The following MYT1L variants were observed in gnomAD, a reference collection of about 807,000 sequenced individuals.
The protein encoded by MYT1L is myelin transcription factor 1-like protein.
Under a neutral mutation model 126.7 loss-of-function variants are expected in MYT1L, and 12 were observed. That is an observed-to-expected ratio of 0.09 (90% confidence interval 0.06 to 0.15). The LOEUF is 0.15. Among genes scored for constraint, MYT1L ranks in the 10% least tolerant of loss-of-function variants. The pLI, the probability that MYT1L is intolerant of heterozygous loss-of-function variation, is 1.00. For synonymous variants in MYT1L, 541 were observed against 604.2 expected, an observed-to-expected ratio of 0.90 and a Z score of 1.53; for missense variants, 979 against 1,585.2, an observed-to-expected ratio of 0.62 and a Z score of 6.49.
intron 21 of MYT1L, among the ~76,000 whole-genome samples, chr2:1,826,261 C>T (rs895972714): frequency 6.6e-5 from 10 of 152,218 alleles, no homozygotes; most frequent in Non-Finnish European, 8.8e-5. Flanking sequence ...GCACGGTGCT[C>T]GGGCATGGGA....
At chr2:1,888,362 T>A (rs1216810794) in intron 16 of MYT1L, among the ~76,000 whole-genome samples, 1 of 152,244 alleles carries the variant, frequency 6.6e-6, no homozygotes, top group African/African-American at 2.4e-5. Flanking sequence ...CTTGCCACTC[T>A]GATTTGGTTC....
intron 3 of MYT1L, among the ~76,000 whole-genome samples, chr2:2,124,864 C>T (rs115272487): frequency 6.7e-4 from 102 of 152,296 alleles, no homozygotes; most frequent in Non-Finnish European, 1.2e-3. Flanking sequence ...TGCCTAGAAG[C>T]CTCCCCGACT....
intron 2 of MYT1L, among the ~76,000 whole-genome samples, chr2:2,261,262 GA>G (rs1186779248): frequency 2.0e-5 from 3 of 152,040 alleles, no homozygotes. Flanking sequence ...AGTCAAACCA[GA>G]AAACTACATT....
At chr2:2,172,103 C>T (rs1199502568) in intron 3 of MYT1L, among the ~76,000 whole-genome samples, 5 of 152,144 alleles carry the variant, frequency 3.3e-5, no homozygotes, top group African/African-American at 1.2e-4. Context: ...TCAGAACCAA[C>T]GACTTTACAG....
intron 2 of MYT1L, among the ~76,000 whole-genome samples, chr2:2,237,041 C>A (rs754863493): frequency 6.6e-6 from 1 of 151,976 alleles, no homozygotes; most frequent in African/African-American, 2.4e-5. Context: ...CTCGAACTCC[C>A]GACCTCAGGT....
At chr2:2,302,210 G>A (rs1446913591) in intron 1 of MYT1L, among the ~76,000 whole-genome samples, 3 of 152,136 alleles carry the variant, frequency 2.0e-5, no homozygotes. Context: ...GTGAAACATG[G>A]CAGAATATTG....
intron 9 of MYT1L, among the ~76,000 whole-genome samples, chr2:1,928,061 C>T (rs1322217056): frequency 6.6e-6 from 1 of 152,146 alleles, no homozygotes; most frequent in Non-Finnish European, 1.5e-5. Flanking sequence ...TCAAGTGACC[C>T]TCCCGCCTCA....
intron 2 of MYT1L, among the ~76,000 whole-genome samples, chr2:2,240,379 G>C (rs1162564426): frequency 6.6e-6 from 1 of 151,728 alleles, no homozygotes; most frequent in African/African-American, 2.4e-5. Flanking sequence ...AAAAAGTATG[G>C]TAACACAGAC....
intron 1 of MYT1L, among the ~76,000 whole-genome samples, chr2:2,310,770 C>T (rs2095954265): frequency 6.6e-6 from 1 of 152,160 alleles, no homozygotes. Context: ...CTTTCCTTCC[C>T]TGTTGGTCTA....
chr2:1,868,100 G>C (rs2045831542), intron 18 of MYT1L, among the ~76,000 whole-genome samples: 1 of 152,050 alleles, frequency 6.6e-6, no homozygotes, highest in Admixed American at 6.6e-5. Context: ...CCAAGTAGCT[G>C]GGACTACAGG....
At chr2:2,070,344 A>T (rs1226491498) in intron 3 of MYT1L, among the ~76,000 whole-genome samples, 2 of 152,172 alleles carry the variant, frequency 1.3e-5, no homozygotes, top group African/African-American at 4.8e-5. Flanking sequence ...GCGTTGCGAC[A>T]CCACCTCTCA....
intron 3 of MYT1L, among the ~76,000 whole-genome samples, chr2:2,064,990 A>C (rs1408923356): frequency 2.6e-5 from 4 of 152,096 alleles, no homozygotes; most frequent in Non-Finnish European, 5.9e-5. Context: ...CTTGAGACCA[A>C]GAGTTGGAGA....
chr2:1,992,147 G>A lies in MYT1L; in HGVS notation c.-1+5044C>T, dbSNP rs373783117. ...TTTGCAAATTTATTTATTAGACATC[G>A]GTTTTTCTGCACAGTTCACTGGCTG... On this transcript the variant is annotated intron_variant, in intron 5 of 24. Transcript: ENST00000647738. Among the ~76,000 whole-genome samples the A allele has an allele frequency of 6.6e-5, 10 of 152,034 alleles. No individual in the cohort carries two copies. In the East Asian group the frequency reaches 1.7e-3, roughly 26 times the overall value.
chr2:1,919,197 G>A (rs1313216120), intron 10 of MYT1L, among the ~76,000 whole-genome samples: 1 of 152,276 alleles, frequency 6.6e-6, no homozygotes, highest in South Asian at 2.1e-4. Flanking sequence ...AAACAATGTG[G>A]CTCCAAAGCA....
intron 3 of MYT1L, among the ~76,000 whole-genome samples, chr2:2,058,180 A>C (rs139607608): frequency 6.6e-6 from 1 of 152,206 alleles, no homozygotes; most frequent in Non-Finnish European, 1.5e-5. Flanking sequence ...CATTTGCCTA[A>C]TAGTTGATGG....
At chr2:2,181,242 CTG>C (rs561250701) in intron 2 of MYT1L, among the ~76,000 whole-genome samples, 85 of 151,904 alleles carry the variant, frequency 5.6e-4, no homozygotes, top group South Asian at 2.3e-3. Flanking sequence ...CTGTGTATAT[CTG>C]TGTGTGCACA....
At chr2:1,873,099 G>A (rs1425814000) in intron 18 of MYT1L, among the ~76,000 whole-genome samples, 1 of 152,196 alleles carries the variant, frequency 6.6e-6, no homozygotes, top group African/African-American at 2.4e-5. Context: ...CTGACGGGTG[G>A]AGAGAGGGTC....
At chr2:2,004,021 G>A (rs1322667895) in intron 4 of MYT1L, among the ~76,000 whole-genome samples, 4 of 150,180 alleles carry the variant, frequency 2.7e-5, no homozygotes, top group Non-Finnish European at 4.4e-5. Context: ...TTTCCTGCAT[G>A]CCTTCTTTCC....
intron 2 of MYT1L, among the ~76,000 whole-genome samples, chr2:2,229,310 C>A (rs1003486251): frequency 6.6e-6 from 1 of 152,132 alleles, no homozygotes; most frequent in Non-Finnish European, 1.5e-5. Flanking sequence ...AATATTTACT[C>A]ATTCTTTCTC....
Sources: gnomAD v4.1 joint callset for allele counts (sites outside exome capture counted in the v4.1 genomes callset) on GRCh38, gnomAD v4.1.1 for gene constraint, MANE v1.5 for transcripts, NCBI Gene and HGNC (gene_info 2026-07-23, HGNC 2026-07-21) for gene names.